NEBL: variants seen among roughly 807,000 people sequenced by gnomAD.
NEBL encodes the protein LIM and SH3 protein 2.
In NEBL, 122 loss-of-function variants were observed where a neutral mutation model predicts 140.2. The observed-to-expected ratio is 0.87, with a 90% CI of 0.75 to 1.01. The LOEUF (loss-of-function observed/expected upper bound fraction) is 1.01. Among genes scored for constraint, NEBL ranks in the 50% least tolerant of loss-of-function variants. NEBL has a pLI of 0.00. For synonymous variants in NEBL, 436 were observed against 398.9 expected (o/e 1.09, Z -1.11); for missense variants, 1,365 against 1,231.3 (o/e 1.11, Z -1.62).
At chr10:21,090,119 A>G (rs111693100) in intron 2 of NEBL, among the ~76,000 whole-genome samples, 270 of 152,292 alleles carry the variant, frequency 1.8e-3, no homozygotes, top group Non-Finnish European at 1.8e-3. Context: ...AGGAGAATGG[A>G]AAGAATGAAA....
chr10:21,095,804 G>A (rs909130811), intron 2 of NEBL, among the ~76,000 whole-genome samples: 1 of 152,100 alleles, frequency 6.6e-6, no homozygotes. Flanking sequence ...GGAAGACTTG[G>A]GGTTATCTCT....
rs1201775144 is a variant in NEBL at position 21,120,393 on chromosome 10, C to CATATATATAT, written c.164+51980_164+51989dup. On this transcript the variant is annotated intron_variant, in intron 2 of 6. Coordinates refer to the NEBL transcript ENST00000417816. ...GTGTCTCAAAAAAAAAAAAAAAATA[C>CATATATATAT]ATATATATATATATATATATATATA... is the stretch of plus-strand genomic sequence containing the variant. 5.1e-3 allele frequency among the ~76,000 whole-genome samples: 302 copies of CATATATATAT among 59,474 alleles called. 5 individuals carry two copies. The highest frequency in any genetic ancestry group is 5.7e-3 in the Non-Finnish European group (220 of 38,724). The allele number at this position is 59,474 out of a possible 152,430, so 39.0% of individuals were successfully genotyped here.
chr10:20,897,599 C>T, upstream of NEBL: 1 of 957,536 alleles, frequency 1.0e-6, no homozygotes, highest in Non-Finnish European at 1.3e-6. Context: ...CTCTAACACT[C>T]AAGATAGCAC....
intron 3 of NEBL, among the ~76,000 whole-genome samples, chr10:21,184,729 T>A (rs1480720688): frequency 6.6e-6 from 1 of 152,204 alleles, no homozygotes; most frequent in Non-Finnish European, 1.5e-5. Flanking sequence ...TAAAACATAA[T>A]GTTAAATAGA....
intron 4 of NEBL, among the ~76,000 whole-genome samples, chr10:20,943,399 A>G (rs961838406): frequency 6.6e-6 from 1 of 152,214 alleles, no homozygotes; most frequent in East Asian, 1.9e-4. Flanking sequence ...ATGAGAACAC[A>G]TGGACACAGG....
intron 2 of NEBL, among the ~76,000 whole-genome samples, chr10:21,139,491 C>T (rs1211637003): frequency 6.6e-6 from 1 of 152,144 alleles, no homozygotes; most frequent in Non-Finnish European, 1.5e-5. Context: ...AAATCCATCG[C>T]ATCTGAAGGG....
chr10:20,868,687 C>T lies in NEBL; in HGVS notation c.661G>A (p.Glu221Lys). ...ACTTGACTAGAAAGTTTAGAAGCTTCCACGGCATGTTCAAAATCTGGTCTT... is the reference window on the plus strand; with the variant it reads ...ACTTGACTAGAAAGTTTAGAAGCTTTCACGGCATGTTCAAAATCTGGTCTT... ...IGRPDFEHAV[E>K]ASKLSSQIKY... Residue 221 changes from glutamate to lysine, a missense_variant, in exon 7 of 28, where the codon GAA becomes AAA. Around this residue, in one of 2 missense-constraint regions of NEBL, gnomAD observed 1,323 missense variants for 1,154.8 expected, o/e 1.15. Transcript: ENST00000377122. 2.5e-6 allele frequency: 4 copies of T among 1,611,374 alleles called. No homozygotes were observed. The highest frequency in any genetic ancestry group is 3.4e-6 in the Non-Finnish European group (4 of 1,177,626).
chr10:20,882,423 T>C (rs1021738423), intron 4 of NEBL, among the ~76,000 whole-genome samples: 25 of 151,894 alleles, frequency 1.6e-4, no homozygotes, highest in Non-Finnish European at 2.9e-5. Context: ...CAAAACAAGA[T>C]CTAGTTTTCA....
At chr10:21,267,028 G>A (rs1174608941) in intron 1 of NEBL, among the ~76,000 whole-genome samples, 1 of 151,948 alleles carries the variant, frequency 6.6e-6, no homozygotes, top group Non-Finnish European at 1.5e-5. Context: ...AGACTGGAGT[G>A]CAACGGCGCG....
Position 20,808,626 on chromosome 10 carries a change from C to A in NEBL, c.2645G>T (p.Arg882Leu), listed in dbSNP as rs758877499. 1.2e-6 allele frequency: 2 copies of A among 1,613,134 alleles called. No individual in the cohort carries two copies. The highest frequency in any genetic ancestry group is 2.7e-5 in the African/African-American group (2 of 74,818). ...KASHYRRHWSRSHSSSTFGTG... is the reference protein window; with the variant it reads ...KASHYRRHWSLSHSSSTFGTG... ...ACCGAAAGTACTGCTGGAATGGGAT[C>A]GAGACCAGTGTCGCCTATAGTGACT... The change falls in exon 26 of 28, where the codon CGA (arginine) becomes CTA (leucine). Residue 882 changes from arginine to leucine, a missense_variant. Arg to Leu is a moderately radical substitution (Grantham distance 102). Transcript: ENST00000377122.
At chr10:20,876,941 G>T (rs977632509) in intron 5 of NEBL, among the ~76,000 whole-genome samples, 1 of 152,150 alleles carries the variant, frequency 6.6e-6, no homozygotes, top group Non-Finnish European at 1.5e-5. Flanking sequence ...TCGATTGGCT[G>T]TTTTTAATCA....
chr10:21,211,803 A>T (rs1841920010), intron 3 of NEBL, among the ~76,000 whole-genome samples: 1 of 152,180 alleles, frequency 6.6e-6, no homozygotes, highest in African/African-American at 2.4e-5. Flanking sequence ...ACCAGCAGTG[A>T]TTGTGATGAT....
intron 2 of NEBL, among the ~76,000 whole-genome samples, chr10:21,062,041 A>T (rs1835328815): frequency 6.6e-6 from 1 of 152,230 alleles, no homozygotes; most frequent in Admixed American, 6.5e-5. Context: ...CAAAGATGTA[A>T]AACTAGAATA....
intron 11 of NEBL, among the ~76,000 whole-genome samples, chr10:20,850,030 C>T (rs887304663): frequency 1.8e-4 from 27 of 152,006 alleles, no homozygotes; most frequent in African/African-American, 6.3e-4. Flanking sequence ...GTAAATAAAG[C>T]AACCAGCTAT....
chr10:20,970,215 T>A (rs4748741), intron 3 of NEBL, among the ~76,000 whole-genome samples: 147,683 of 152,274 alleles, frequency 0.97, 71,660 homozygotes, highest in East Asian at 1. Flanking sequence ...AGCTGTAAGA[T>A]GTGCTCAGCA....
intron 3 of NEBL, among the ~76,000 whole-genome samples, chr10:21,193,197 A>G (rs1841601378): frequency 6.6e-6 from 1 of 152,176 alleles, no homozygotes; most frequent in African/African-American, 2.4e-5. Flanking sequence ...GAGAGAAGGT[A>G]GAAATATGGG....
intron 2 of NEBL, among the ~76,000 whole-genome samples, chr10:21,059,677 G>A (rs141126868): frequency 2.6e-4 from 39 of 152,298 alleles, no homozygotes; most frequent in Admixed American, 1.4e-3. Context: ...TATTTACTGC[G>A]TTGATTAAAA....
intron 4 of NEBL, among the ~76,000 whole-genome samples, chr10:20,932,212 G>A (rs557065630): frequency 1.4e-4 from 21 of 152,134 alleles, no homozygotes; most frequent in Admixed American, 1.1e-3. Flanking sequence ...AGTGCCCTTC[G>A]TATACACCAT....
chr10:20,965,435 G>A (rs986346977), intron 3 of NEBL, among the ~76,000 whole-genome samples: 4 of 152,196 alleles, frequency 2.6e-5, no homozygotes, highest in African/African-American at 9.7e-5. Context: ...AAGCCACACA[G>A]ACTTCTTCCA....
Sources: allele counts gnomAD v4.1 joint callset (sites outside exome capture counted in the v4.1 genomes callset), GRCh38; gene constraint gnomAD v4.1.1; regional missense constraint gnomAD v4.1.1; transcripts MANE v1.5; gene names NCBI Gene and HGNC (gene_info 2026-07-23, HGNC 2026-07-21).